The following ADCY1 variants were observed in gnomAD, a reference collection of about 807,000 sequenced individuals.
ADCY1 encodes the protein adenylate cyclase 1.
In ADCY1, 28 loss-of-function variants were observed where a neutral mutation model predicts 105.4. The observed-to-expected ratio is 0.27, with a 90% CI of 0.20 to 0.36. The LOEUF (loss-of-function observed/expected upper bound fraction) is 0.36. ADCY1 is among the 10% of genes least tolerant of loss of function. The pLI is 1.00. For missense variants in ADCY1, 977 were observed against 1,434.2 expected, an observed-to-expected ratio of 0.68 and a Z score of 5.15; for synonymous variants, 655 against 623.8, an observed-to-expected ratio of 1.05 and a Z score of -0.75.
chr7:45,640,223 T>G (rs1367502792), intron 4 of ADCY1, among the ~76,000 whole-genome samples: 1 of 152,060 alleles, frequency 6.6e-6, no homozygotes, highest in African/African-American at 2.4e-5. Flanking sequence ...GAGGGAGAAA[T>G]ATCTACAGCA....
Position 45,575,263 on chromosome 7 carries a change from C to G in ADCY1, c.639+81C>G. The stretch of plus-strand genomic sequence containing the variant: ...CTGGGAATGCCCGGAGTCGGGCGCG[C>G]TTTTTCCTATGCGGCGGGTGGGGAC... On this transcript the variant is annotated intron_variant, in intron 1 of 19. Transcript: ENST00000297323. The surrounding 1 kb of genome is among the most constrained non-coding windows in gnomAD (Gnocchi z 4.7). 1 of 1,488,670 alleles carries G rather than the reference C, an allele frequency of 6.7e-7. No homozygotes were observed. Among genetic ancestry groups the G allele is most frequent in the Non-Finnish European group, 8.9e-7 (1 of 1,125,314 alleles). 92.2% of individuals were successfully genotyped at this position (1,488,670 alleles called of 1,614,324 possible).
chr7:45,633,471 A>G (rs1313370707), intron 4 of ADCY1, among the ~76,000 whole-genome samples: 2 of 152,246 alleles, frequency 1.3e-5, no homozygotes, highest in Admixed American at 6.5e-5. Context: ...ACGATTATAC[A>G]TGTATTTAGG....
In ADCY1 at chr7:45,714,023, A is replaced by G; in HGVS notation, c.*28A>G. The G allele has an allele frequency of 1.3e-6, 1 of 753,472 alleles. No individual in the cohort carries two copies. Among genetic ancestry groups the G allele is most frequent in the Non-Finnish European group, 2.5e-6 (1 of 402,806 alleles). The allele number at this position is 753,472 out of a possible 1,614,324, so 46.7% of individuals were successfully genotyped here. A position where few individuals can be genotyped will look rare whatever the true frequency, so the allele number is the denominator to read the frequency against. On this transcript the variant is annotated 3_prime_UTR_variant, in exon 20 of 20. Coordinates refer to ENST00000297323, the MANE Select transcript of ADCY1 (RefSeq NM_021116.4). The stretch of plus-strand genomic sequence containing the variant: ...GAGCCCACGTGGGCCTCTGGGGTGC[A>G]CATGGGGTGGGAATGCTCCGGGGGT...
At position 45,710,410 on chromosome 7, in the gene ADCY1, G is replaced by T; in HGVS notation, c.2933-118G>T. 1 of 1,443,192 alleles carries T rather than the reference G, an allele frequency of 6.9e-7. No individual in the cohort carries two copies. The allele number at this position is 1,443,192 out of a possible 1,614,324, so 89.4% of individuals were successfully genotyped here. On this transcript the variant is annotated intron_variant, in intron 18 of 19. Transcript: ENST00000297323. This position sits in a 1 kb window ranked among gnomAD's most constrained non-coding sequence, Gnocchi z 4.7. ...GTGCTAGGTGACCCCAGGAAACAAAGCCCTGAAAGGAGCAGCCTTTTCTCC... is the reference window on the plus strand; with the variant it reads ...GTGCTAGGTGACCCCAGGAAACAAATCCCTGAAAGGAGCAGCCTTTTCTCC...
intron 4 of ADCY1, among the ~76,000 whole-genome samples, chr7:45,639,148 CAG>C (rs1173674300): frequency 6.6e-6 from 1 of 152,204 alleles, no homozygotes; most frequent in African/African-American, 2.4e-5. Context: ...TAAACAAACA[CAG>C]AACATGTTTG....
intron 14 of ADCY1, among the ~76,000 whole-genome samples, chr7:45,698,640 C>T (rs544847929): frequency 1.5e-3 from 227 of 152,286 alleles, no homozygotes; most frequent in African/African-American, 5.1e-3. Context: ...AGAACACCTG[C>T]ACCACACTCA....
chr7:45,610,836 GTGTGGAGGCGATATTGGAGTTGTGGAGA>G (rs1793545262), intron 3 of ADCY1, among the ~76,000 whole-genome samples: 11 of 143,224 alleles, frequency 7.7e-5, no homozygotes, highest in South Asian at 2.3e-4. Context: ...GATAGTGGAG[GTGTGGAGGCGATATTGGAGTTGTGGAGA>G]TGATGGTGGA....
intron 3 of ADCY1, among the ~76,000 whole-genome samples, chr7:45,620,878 G>T (rs1793872184): frequency 6.6e-6 from 1 of 152,142 alleles, no homozygotes; most frequent in African/African-American, 2.4e-5. Context: ...TCTTCTCCCA[G>T]TGTCTGTGTG....
At position 45,592,810 on chromosome 7, in the gene ADCY1, G is replaced by C. The variant is rs751101356; in HGVS notation, c.691G>C (p.Val231Leu). The C allele has an allele frequency of 2.5e-6, 4 of 1,614,100 alleles. No homozygotes were observed. The Admixed American group carries it at 6.7e-5, about 27-fold the overall frequency. ...FVGVNMYGVF[V>L]RILTERSQRK... ...CGGTGTGAACATGTATGGGGTCTTT[G>C]TGCGGATTCTGACTGAGCGTTCACA... The change falls in exon 2 of 20, where the codon GTG becomes CTG. Residue 231 changes from valine (V) to leucine (L), a missense_variant. Transcript: ENST00000297323.
chr7:45,631,326 G>A (rs192888692), intron 4 of ADCY1, among the ~76,000 whole-genome samples: 55 of 152,222 alleles, frequency 3.6e-4, no homozygotes, highest in East Asian at 1.5e-3. Context: ...GTCAAATAAC[G>A]TTGTCCTTAT....
rs1326557048 is a variant in ADCY1, at chr7:45,648,797, C to T, written c.1148C>T (p.Thr383Ile). ...EMGLDMIDTI[T>I]SVAEATEVDL... ...GGACTCGACATGATTGATACCATCA[C>T]GTAAGTACCCCGTGGGGCTGAGAGG... is the stretch of plus-strand genomic sequence containing the variant. The change falls in exon 5 of 20, where the codon ACA becomes ATA. Residue 383 changes from threonine (T) to isoleucine (I), a missense_variant and splice_region_variant. Physicochemically the swap from Thr to Ile is moderately conservative, Grantham distance 89. Coordinates refer to ENST00000297323, the MANE Select transcript of ADCY1 (RefSeq NM_021116.4). 6.2e-6 allele frequency: 10 copies of T among 1,613,706 alleles called. No homozygotes were observed. The highest frequency in any genetic ancestry group is 2.2e-5 in the East Asian group (1 of 44,876).
chr7:45,711,611 A>ATATATATG (rs1785232151), intron 19 of ADCY1, among the ~76,000 whole-genome samples: 1 of 11,956 alleles, frequency 8.4e-5, no homozygotes, highest in Non-Finnish European at 2.1e-4. Context: ...CGTGCTGTAT[A>ATATATATG]TATATATATA....
chr7:45,710,566 G>A lies in ADCY1; in HGVS notation c.2971G>A (p.Ala991Thr). Residue 991 changes from alanine (A) to threonine (T), a missense_variant, in exon 19 of 20, where the codon GCT becomes ACT. By Grantham distance (58) the Ala-to-Thr change is moderately conservative. Transcript: ENST00000297323. The surrounding 1 kb of genome is among the most constrained non-coding windows in gnomAD (Gnocchi z 4.7). ...VGPVVAGVIG[A>T]RRPQYDIWGN... ...CCCTGTGGTGGCTGGAGTGATTGGC[G>A]CTCGCAGGCCCCAGTACGACATCTG... 2.5e-6 allele frequency: 4 copies of A among 1,614,004 alleles called. No individual in the cohort carries two copies. Among genetic ancestry groups the A allele is most frequent in the Non-Finnish European group, 2.5e-6 (3 of 1,180,010 alleles).
At chr7:45,631,413 A>G (rs1794256051) in intron 4 of ADCY1, among the ~76,000 whole-genome samples, 1 of 152,262 alleles carries the variant, frequency 6.6e-6, no homozygotes, top group African/African-American at 2.4e-5. Flanking sequence ...GAAACTGCTA[A>G]TCACTGGTAC....
intron 5 of ADCY1, among the ~76,000 whole-genome samples, chr7:45,651,596 TTC>T (rs1794813701): frequency 6.6e-6 from 1 of 152,198 alleles, no homozygotes; most frequent in Non-Finnish European, 1.5e-5. Flanking sequence ...GGCCCACTGA[TTC>T]TGTTTGCTCC....
chr7:45,701,946 G>C (rs893718251), intron 14 of ADCY1, among the ~76,000 whole-genome samples: 1 of 152,186 alleles, frequency 6.6e-6, no homozygotes, highest in Non-Finnish European at 1.5e-5. Flanking sequence ...GGGACAGGAA[G>C]AAACACCTGG....
chr7:45,677,945 C>T lies in ADCY1; in HGVS notation c.1682C>T (p.Pro561Leu), dbSNP rs1269978320. 6 of 1,614,230 alleles carry T rather than the reference C, an allele frequency of 3.7e-6. No homozygotes were observed. The highest frequency in any genetic ancestry group is 2.2e-5 in the East Asian group (1 of 44,884). ...TCTACCAACGTTGTCTACACCACCC[C>T]GGGCACTCGCGTCAACAGGTACATC... is the stretch of plus-strand genomic sequence containing the variant. ...SFSTNVVYTTPGTRVNRYISR... is the reference protein window; with the variant it reads ...SFSTNVVYTTLGTRVNRYISR... Residue 561 changes from proline to leucine, a missense_variant, in exon 9 of 20, where the codon CCG (proline) becomes CTG (leucine). Physicochemically the swap from Pro to Leu is moderately conservative, Grantham distance 98 (BLOSUM62 -3). Transcript: ENST00000297323.
At chr7:45,662,263 C>G (rs1178392447) in intron 8 of ADCY1, 49 bp downstream of exon 8, 16 of 1,573,596 alleles carry the variant, frequency 1.0e-5, no homozygotes, top group Non-Finnish European at 1.4e-5. Context: ...AGGGACTGAT[C>G]TCTGTCCTGC....
chr7:45,630,105 CT>C (rs1794196268), intron 4 of ADCY1, among the ~76,000 whole-genome samples: 1 of 152,062 alleles, frequency 6.6e-6, no homozygotes, highest in South Asian at 2.1e-4. Flanking sequence ...TTGACCACTT[CT>C]TTTTATTTGG....
Sources: allele counts gnomAD v4.1 joint callset (sites outside exome capture counted in the v4.1 genomes callset), GRCh38; gene constraint gnomAD v4.1.1; non-coding constraint Gnocchi (gnomAD v3.1); transcripts MANE v1.5; gene names NCBI Gene and HGNC (gene_info 2026-07-23, HGNC 2026-07-21).